The following INTS2 variants were observed in gnomAD, a reference collection of about 807,000 sequenced individuals.
INTS2 encodes KIAA1287.
A neutral mutation model predicts 139.6 loss-of-function variants in INTS2; 57 were observed. The ratio of observed to expected loss-of-function variants is 0.41; its 90% CI spans 0.33 to 0.51. INTS2 has a LOEUF of 0.51. INTS2 is among the 20% of genes least tolerant of loss of function. The pLI is 0.28. For synonymous variants in INTS2, 473 were observed against 493.4 expected (o/e 0.96, Z 0.55); for missense variants, 1,196 against 1,436.7 (o/e 0.83, Z 2.71).
At chr17:61,896,171 C>A (rs192454301) in intron 11 of INTS2, among the ~76,000 whole-genome samples, 1 of 142,458 alleles carries the variant, frequency 7.0e-6, no homozygotes, top group Admixed American at 7.7e-5. Context: ...ACCTGGGAGA[C>A]GGAGCTTGCA....
chr17:61,896,259 A>C (rs2079348275), intron 11 of INTS2, among the ~76,000 whole-genome samples: 1 of 151,464 alleles, frequency 6.6e-6, no homozygotes. Flanking sequence ...AAACAAAAAA[A>C]AAACATTTAA....
intron 15 of INTS2, among the ~76,000 whole-genome samples, chr17:61,887,824 G>A (rs1345740792): frequency 6.6e-6 from 1 of 151,520 alleles, no homozygotes; most frequent in Non-Finnish European, 1.5e-5. Flanking sequence ...AGGCTGAGGT[G>A]TGTGGATCAC....
chr17:61,896,204 C>T (rs988020528), intron 11 of INTS2, among the ~76,000 whole-genome samples: 2 of 139,936 alleles, frequency 1.4e-5, no homozygotes, highest in Middle Eastern at 3.9e-3. Flanking sequence ...CGCACCACTG[C>T]ACTCTAGCCT....
intron 15 of INTS2, among the ~76,000 whole-genome samples, chr17:61,885,566 T>A (rs1360859780): frequency 6.6e-6 from 1 of 151,638 alleles, no homozygotes; most frequent in Non-Finnish European, 1.5e-5. Context: ...ATAACAGGCA[T>A]CCACCACCAT....
At chr17:61,913,120 C>T (rs1211438564) in intron 5 of INTS2, among the ~76,000 whole-genome samples, 2 of 150,482 alleles carry the variant, frequency 1.3e-5, no homozygotes, top group South Asian at 2.1e-4. Context: ...GGCGCATCAC[C>T]TGAGGCCAGG....
chr17:61,889,925 A>G, intron 14 of INTS2, 31 bp from the exon 15 acceptor site: 1 of 1,330,706 alleles, frequency 7.5e-7, no homozygotes, highest in Non-Finnish European at 1.1e-6. Flanking sequence ...ACTCTGAAAT[A>G]CTCTGAATTT....
In INTS2 at chr17:61,877,794, G is replaced by A. The variant is rs189527509; in HGVS notation, c.2456+93C>T. On this transcript the variant is annotated intron_variant, in intron 18 of 24. Coordinates refer to ENST00000251334, the MANE Select transcript of INTS2 (RefSeq NM_001351695.2). ...ATAGTCAACAAATACTGCTATGAGT[G>A]GTGAAAAATTTTTTAAACAATTAAA... 5 of 908,454 alleles carry A rather than the reference G, an allele frequency of 5.5e-6. No individual in the cohort carries two copies. In the East Asian group the frequency reaches 7.9e-5, roughly 14 times the overall value. 56.3% of individuals were successfully genotyped at this position (908,454 alleles called of 1,614,324 possible).
rs1231947120 is a variant in INTS2 at position 61,906,973 on chromosome 17, A to AAAAAAC, written c.1181+434_1181+435insGTTTTT. Among the ~76,000 whole-genome samples, 8 of 151,556 alleles carry AAAAAAC rather than the reference A, an allele frequency of 5.3e-5. No individual in the cohort carries two copies. The East Asian group carries it at 1.5e-3, about 29-fold the overall frequency. ...ACGGAGATTCCATCTCAAAAAAAAAAAAAAAAAAAAACATTGTACTTATTA... is the reference window on the plus strand; with the variant it reads ...ACGGAGATTCCATCTCAAAAAAAAAAAAAAACAAAAAAAAAAACATTGTACTTATTA... On this transcript the variant is annotated intron_variant, in intron 8 of 24. Transcript: ENST00000251334.
At chr17:61,920,636 G>A (rs1000834763) in intron 4 of INTS2, among the ~76,000 whole-genome samples, 5 of 151,474 alleles carry the variant, frequency 3.3e-5, no homozygotes, top group African/African-American at 9.7e-5. Context: ...AAACCTCGTC[G>A]CCACTAAAAA....
rs796231701 is a variant in INTS2 at position 61,872,179 on chromosome 17, C to T, written c.2778+86G>A. The T allele has an allele frequency of 2.6e-5, 19 of 720,992 alleles. No homozygotes were observed. In the Admixed American group the frequency reaches 3.4e-4, roughly 13 times the overall value. The allele number at this position is 720,992 out of a possible 1,614,324, so 44.7% of individuals were successfully genotyped here. A position where few individuals can be genotyped will look rare whatever the true frequency, so the allele number is the denominator to read the frequency against. On this transcript the variant is annotated intron_variant, in intron 20 of 24. Transcript: ENST00000251334. This position sits in a 1 kb window ranked among gnomAD's most constrained non-coding sequence, Gnocchi z 4.8. ...CAATATGTCACCAATGTACATGGAG[C>T]GCACAATGTGCCATCTATTGAACTG...
intron 15 of INTS2, among the ~76,000 whole-genome samples, chr17:61,885,894 A>G (rs1232242347): frequency 3.3e-5 from 5 of 149,608 alleles, no homozygotes; most frequent in African/African-American, 1.2e-4. Flanking sequence ...ACGCCCATCT[A>G]ATTTTTTGTA....
rs1215593096 is a variant in INTS2 at position 61,871,587 on chromosome 17, T to C, written c.2778+678A>G. Among the ~76,000 whole-genome samples the C allele has an allele frequency of 1.3e-5, 2 of 152,232 alleles. No individual in the cohort carries two copies. The highest frequency in any genetic ancestry group is 4.8e-5 in the African/African-American group (2 of 41,456). On this transcript the variant is annotated intron_variant, in intron 20 of 24. Coordinates refer to ENST00000251334, the MANE Select transcript of INTS2 (RefSeq NM_001351695.2). The surrounding 1 kb of genome is among the most constrained non-coding windows in gnomAD (Gnocchi z 4.9). ...AAGGATTTTGTCTTCTTCACCACTC[T>C]ATCCCCAGTTCCTGGAACAATACTT...
intron 5 of INTS2, among the ~76,000 whole-genome samples, chr17:61,914,364 C>T (rs1282911096): frequency 1.3e-5 from 2 of 152,020 alleles, no homozygotes; most frequent in Admixed American, 6.6e-5. Context: ...TGAGACAGCA[C>T]GGGTAACATG....
At chr17:61,918,914 T>C (rs993028268) in intron 5 of INTS2, among the ~76,000 whole-genome samples, 1 of 150,754 alleles carries the variant, frequency 6.6e-6, no homozygotes, top group East Asian at 2.0e-4. Flanking sequence ...CATCTTCTAG[T>C]TCCTTGGGGT....
intron 4 of INTS2, among the ~76,000 whole-genome samples, chr17:61,920,178 T>TG (rs1461099623): frequency 6.9e-6 from 1 of 144,304 alleles, no homozygotes; most frequent in East Asian, 2.3e-4. Flanking sequence ...AAATCTTATT[T>TG]GCTTTTTTTT....
At chr17:61,892,774 G>A (rs937914660) in intron 13 of INTS2, among the ~76,000 whole-genome samples, 11 of 150,284 alleles carry the variant, frequency 7.3e-5, no homozygotes, top group Admixed American at 2.0e-4. Flanking sequence ...GTGAAACCCT[G>A]TCTCTACTAA....
At chr17:61,916,740 C>T (rs1603382963) in intron 5 of INTS2, among the ~76,000 whole-genome samples, 7 of 152,058 alleles carry the variant, frequency 4.6e-5, no homozygotes, top group Admixed American at 4.6e-4. Context: ...CTGGCCTTGG[C>T]AAAGAATTTA....
At chr17:61,889,455 CTCAAA>C (rs1436387137) in intron 15 of INTS2, among the ~76,000 whole-genome samples, 3 of 152,110 alleles carry the variant, frequency 2.0e-5, no homozygotes, top group Non-Finnish European at 2.9e-5. Flanking sequence ...AAAGACTCAA[CTCAAA>C]TCAAGAGAAA....
At chr17:61,901,533 T>C (rs1041923857) in intron 9 of INTS2, among the ~76,000 whole-genome samples, 1 of 145,016 alleles carries the variant, frequency 6.9e-6, no homozygotes, top group African/African-American at 2.6e-5. Flanking sequence ...TGAATAGGAA[T>C]TGAAGATAAA....
Sources: gnomAD v4.1 joint callset for allele counts (sites outside exome capture counted in the v4.1 genomes callset) on GRCh38, gnomAD v4.1.1 for gene constraint, Gnocchi (gnomAD v3.1) non-coding constraint, MANE v1.5 for transcripts, NCBI Gene and HGNC (gene_info 2026-07-23, HGNC 2026-07-21) for gene names.